Variants in SDK1 observed in about 807,000 individuals in gnomAD.
SDK1 encodes the protein protein sidekick-1.
Under a neutral mutation model 245.5 loss-of-function variants are expected in SDK1, and 157 were observed. That is an observed-to-expected ratio of 0.64 (90% CI 0.56 to 0.73). The LOEUF is 0.73. SDK1 is among the 30% of genes least tolerant of loss of function. The pLI, the probability that SDK1 is intolerant of heterozygous loss-of-function variation, is 0.00. For missense variants in SDK1, 3,583 were observed against 3,002.3 expected (o/e 1.19, Z -4.52); for synonymous variants, 1,647 against 1,278.5 (o/e 1.29, Z -6.15).
Position 4,081,845 on chromosome 7 carries a change from C to T in SDK1, c.3324+2261C>T, listed in dbSNP as rs114910115. Among the ~76,000 whole-genome samples the T allele has an allele frequency of 8.5e-4, 130 of 152,250 alleles. 1 individual carries two copies. The highest frequency in any genetic ancestry group is 2.9e-3 in the African/African-American group (119 of 41,542). On this transcript the variant is annotated intron_variant, in intron 22 of 44. Coordinates refer to ENST00000404826, the MANE Select transcript of SDK1 (RefSeq NM_152744.4). ...CAAGATTTTGCTGCATCCATCCATC[C>T]CTGGTTTTTTATTGGCGTATTTTGA... is the stretch of plus-strand genomic sequence containing the variant.
intron 25 of SDK1, among the ~76,000 whole-genome samples, chr7:4,116,939 G>A (rs1026811479): frequency 2.0e-5 from 3 of 152,298 alleles, no homozygotes; most frequent in East Asian, 1.9e-4. Context: ...CTTTCATTAC[G>A]TTCCAAAGGA....
chr7:3,579,028 A>C (rs945379377), intron 1 of SDK1, among the ~76,000 whole-genome samples: 2 of 151,942 alleles, frequency 1.3e-5, no homozygotes, highest in Admixed American at 1.3e-4. Flanking sequence ...TTCACAATTT[A>C]TGTTCCTCTG....
chr7:4,212,927 C>T (rs534560427), intron 38 of SDK1, among the ~76,000 whole-genome samples: 4 of 152,140 alleles, frequency 2.6e-5, no homozygotes, highest in African/African-American at 9.7e-5. Flanking sequence ...GCAGAATCTC[C>T]GTGGAAACTC....
At chr7:3,653,825 C>G (rs1241334939) in intron 4 of SDK1, among the ~76,000 whole-genome samples, 1 of 152,158 alleles carries the variant, frequency 6.6e-6, no homozygotes, top group Non-Finnish European at 1.5e-5. Context: ...AGCTTAGAAT[C>G]TCACCTAGTG....
chr7:3,716,072 C>A (rs1583335522), intron 4 of SDK1, among the ~76,000 whole-genome samples: 1 of 133,414 alleles, frequency 7.5e-6, no homozygotes, highest in East Asian at 2.2e-4. Context: ...GAGGATAGAT[C>A]AATAGAATTT....
intron 5 of SDK1, among the ~76,000 whole-genome samples, chr7:3,883,230 G>A (rs917168): frequency 0.31 from 47,040 of 152,098 alleles, 10,253 homozygotes; most frequent in African/African-American, 0.62. Flanking sequence ...TCTGTTTTCT[G>A]CATTGGGGTT....
intron 1 of SDK1, among the ~76,000 whole-genome samples, chr7:3,573,433 C>G (rs1301185367): frequency 6.6e-6 from 1 of 151,728 alleles, no homozygotes; most frequent in African/African-American, 2.4e-5. Context: ...CTGGATGGAT[C>G]TGTTTGTTCA....
chr7:3,319,864 A>C (rs962064700), intron 1 of SDK1, among the ~76,000 whole-genome samples: 1 of 83,434 alleles, frequency 1.2e-5, no homozygotes, highest in Admixed American at 1.0e-4. Context: ...GCCTATATCT[A>C]ACCCATTCTT....
intron 5 of SDK1, among the ~76,000 whole-genome samples, chr7:3,911,862 T>G (rs998695432): frequency 6.6e-6 from 1 of 152,096 alleles, no homozygotes; most frequent in African/African-American, 2.4e-5. Context: ...TATAATCTAG[T>G]GCAGGGTGCA....
Position 4,067,935 on chromosome 7 carries a change from TG to T in SDK1, c.3010+1del. ...EPLEKNGIIT[G>X]YQISWEVYGR... ...CCCTGGAGAAAAATGGCATCATTAC[TG>T]GTAAGTAGGCCTGTCCTTCAAAAAA... On this transcript the variant is annotated frameshift_variant and splice_region_variant, in exon 20 of 45. Coordinates refer to ENST00000404826, the MANE Select transcript of SDK1 (RefSeq NM_152744.4). LOFTEE classifies it high-confidence loss of function. The T allele has an allele frequency of 6.2e-7, 1 of 1,602,494 alleles. No individual in the cohort carries two copies. The highest frequency in any genetic ancestry group is 8.5e-7 in the Non-Finnish European group (1 of 1,171,000).
intron 1 of SDK1, among the ~76,000 whole-genome samples, chr7:3,431,123 A>T (rs1779833537): frequency 6.6e-6 from 1 of 151,974 alleles, no homozygotes; most frequent in East Asian, 1.9e-4. Context: ...TTGGTCTCAA[A>T]CTCCTGAGCT....
intron 9 of SDK1, among the ~76,000 whole-genome samples, chr7:3,964,963 C>T (rs1781982358): frequency 6.6e-6 from 1 of 152,182 alleles, no homozygotes. Context: ...ATGGAATGCT[C>T]AAGTCAGAAC....
At chr7:3,722,411 G>A (rs933175413) in intron 4 of SDK1, among the ~76,000 whole-genome samples, 2 of 152,146 alleles carry the variant, frequency 1.3e-5, no homozygotes, top group Admixed American at 6.5e-5. Context: ...TCAGCCCAGG[G>A]TAGAGAAGTA....
chr7:3,549,744 A>G (rs145539006), intron 1 of SDK1, among the ~76,000 whole-genome samples: 38 of 152,270 alleles, frequency 2.5e-4, no homozygotes, highest in African/African-American at 8.7e-4. Flanking sequence ...CTTTCTATAA[A>G]CAGCTTTATT....
At chr7:3,828,583 G>T (rs1324444002) in intron 5 of SDK1, among the ~76,000 whole-genome samples, 1 of 150,152 alleles carries the variant, frequency 6.7e-6, no homozygotes, top group Non-Finnish European at 1.5e-5. Context: ...CCAAGAGAAG[G>T]TTTGTTTTGG....
intron 1 of SDK1, among the ~76,000 whole-genome samples, chr7:3,555,277 A>G (rs776288801): frequency 3.3e-5 from 5 of 152,214 alleles, no homozygotes; most frequent in South Asian, 2.1e-4. Flanking sequence ...AAATAAATCT[A>G]TACACCTACA....
chr7:4,193,386 AT>A (rs1783354012), intron 35 of SDK1, among the ~76,000 whole-genome samples: 3 of 139,320 alleles, frequency 2.2e-5, no homozygotes, highest in Non-Finnish European at 3.0e-5. Context: ...ATATATATAT[AT>A]ATATATATAT....
At chr7:3,970,391 T>C (rs1435072906) in intron 11 of SDK1, among the ~76,000 whole-genome samples, 1 of 152,240 alleles carries the variant, frequency 6.6e-6, no homozygotes, top group African/African-American at 2.4e-5. Flanking sequence ...GTTCCCACTA[T>C]TCTGTCAAGT....
intron 35 of SDK1, among the ~76,000 whole-genome samples, chr7:4,180,385 AGCTCTATGCCCAGCGCCTG>A: frequency 6.8e-5 from 10 of 148,006 alleles, no homozygotes; most frequent in East Asian, 2.0e-4. Context: ...GCCTGGCTCC[AGCTCTATGCCCAGCGCCTG>A]GCTCCAGCTC....
Sources: allele counts gnomAD v4.1 joint callset (sites outside exome capture counted in the v4.1 genomes callset), GRCh38; gene constraint gnomAD v4.1.1; transcripts MANE v1.5; gene names NCBI Gene and HGNC (gene_info 2026-07-23, HGNC 2026-07-21).